MAGI1: variants seen among roughly 807,000 people sequenced by gnomAD.
MAGI1 encodes the protein membrane-associated guanylate kinase, WW and PDZ domain-containing protein 1.
Under a neutral mutation model 139.9 loss-of-function variants are expected in MAGI1, and 58 were observed. The observed-to-expected ratio is 0.41, with a 90% CI of 0.34 to 0.52. The LOEUF is 0.52. Ranked by LOEUF, MAGI1 falls within the 20% of genes least tolerant of loss-of-function variation. The pLI, the probability that MAGI1 is intolerant of heterozygous loss-of-function variation, is 0.12. For synonymous variants in MAGI1, 812 were observed against 737.9 expected, an observed-to-expected ratio of 1.10 and a Z score of -1.63; for missense variants, 1,874 against 1,901.6, an observed-to-expected ratio of 0.99 and a Z score of 0.27.
intron 2 of MAGI1, among the ~76,000 whole-genome samples, chr3:65,501,453 C>CAAAAAA (rs35967662): frequency 0.17 from 13,589 of 80,296 alleles, 1,417 homozygotes; most frequent in Non-Finnish European, 0.19. Flanking sequence ...GACTCTGTCT[C>CAAAAAA]AAAAAAAAAA....
intron 4 of MAGI1, 86 bp from the exon 5 acceptor site, chr3:65,470,570 T>C (rs1156851051): frequency 2.0e-5 from 16 of 791,692 alleles, no homozygotes; most frequent in South Asian, 1.8e-4. Flanking sequence ...ACCCGGGAAG[T>C]ATGCAACTAT....
At chr3:65,632,250 T>G (rs1213282851) in intron 1 of MAGI1, among the ~76,000 whole-genome samples, 1 of 152,210 alleles carries the variant, frequency 6.6e-6, no homozygotes, top group African/African-American at 2.4e-5. Context: ...ATCACTCAAC[T>G]GACAATTACA....
intron 18 of MAGI1, among the ~76,000 whole-genome samples, chr3:65,372,338 T>C (rs558322891): frequency 6.6e-6 from 1 of 152,292 alleles, no homozygotes; most frequent in African/African-American, 2.4e-5. Flanking sequence ...GAAATTTTTT[T>C]CCCCTAAGCA....
chr3:65,639,694 T>C (rs2084871526), intron 1 of MAGI1, among the ~76,000 whole-genome samples: 1 of 152,134 alleles, frequency 6.6e-6, no homozygotes, highest in South Asian at 2.1e-4. Flanking sequence ...ATTACTGTCC[T>C]TCCTCCAAAT....
intron 1 of MAGI1, among the ~76,000 whole-genome samples, chr3:65,803,402 T>C (rs1183372229): frequency 6.6e-6 from 1 of 152,136 alleles, no homozygotes; most frequent in East Asian, 1.9e-4. Flanking sequence ...TTACTGACTA[T>C]AAATAAAAGA....
intron 1 of MAGI1, among the ~76,000 whole-genome samples, chr3:65,952,511 A>C (rs1410124949): frequency 6.6e-6 from 1 of 152,148 alleles, no homozygotes; most frequent in Non-Finnish European, 1.5e-5. Context: ...TAGAATATTT[A>C]CCAACCAGAA....
At position 66,037,415 on chromosome 3, in the gene MAGI1, G is replaced by A. The variant is rs537242615; in HGVS notation, c.313+581C>T. Among the ~76,000 whole-genome samples the A allele has an allele frequency of 5.3e-5, 8 of 152,192 alleles. No homozygotes were observed. The East Asian group carries it at 1.4e-3, about 26-fold the overall frequency. On this transcript the variant is annotated intron_variant, in intron 1 of 22. Coordinates refer to ENST00000402939, the MANE Select transcript of MAGI1 (RefSeq NM_001033057.2). ...TCCCAAGTGTATGGCTGAGCCACAC[G>A]GTGGAGACACATGCGTCATCCGGCT...
At chr3:65,443,694 A>G (rs1314045483) in intron 7 of MAGI1, among the ~76,000 whole-genome samples, 2 of 152,006 alleles carry the variant, frequency 1.3e-5, no homozygotes, top group South Asian at 2.1e-4. Context: ...TTTTTTTGTC[A>G]TTAAACAATC....
At chr3:65,993,828 T>C (rs1240735148) in intron 1 of MAGI1, among the ~76,000 whole-genome samples, 2 of 152,128 alleles carry the variant, frequency 1.3e-5, no homozygotes, top group Non-Finnish European at 2.9e-5. Flanking sequence ...ACCCTGGAAA[T>C]GGAACAAAAT....
chr3:65,401,512 T>C (rs1944893253), intron 12 of MAGI1, 42 bp from the exon 13 acceptor site: 1 of 1,604,416 alleles, frequency 6.2e-7, no homozygotes, highest in Non-Finnish European at 8.5e-7. Flanking sequence ...GAAGAAATCA[T>C]TAGCATATAA....
intron 1 of MAGI1, among the ~76,000 whole-genome samples, chr3:65,811,959 TGA>T (rs1190401731): frequency 9.8e-4 from 141 of 143,546 alleles, no homozygotes; most frequent in Non-Finnish European, 1.2e-3. Context: ...TGTGTGTGTG[TGA>T]GAGAGAGAGC....
chr3:65,506,582 T>C (rs1249056875), intron 2 of MAGI1, among the ~76,000 whole-genome samples: 4 of 152,206 alleles, frequency 2.6e-5, no homozygotes, highest in South Asian at 2.1e-4. Context: ...TTTTGGATTA[T>C]CTTTCAATAA....
chr3:65,780,876 G>C (rs927527242), intron 1 of MAGI1, among the ~76,000 whole-genome samples: 6 of 152,152 alleles, frequency 3.9e-5, no homozygotes, highest in Non-Finnish European at 7.3e-5. Context: ...CCATGACTAC[G>C]GGTGATTTTT....
chr3:65,508,331 G>T (rs1398259996), intron 2 of MAGI1, among the ~76,000 whole-genome samples: 1 of 152,184 alleles, frequency 6.6e-6, no homozygotes, highest in South Asian at 2.1e-4. Flanking sequence ...GTGAACCTGG[G>T]AGGCGGAGCT....
chr3:65,382,902 G>A (rs149817235), intron 15 of MAGI1, among the ~76,000 whole-genome samples: 9 of 152,240 alleles, frequency 5.9e-5, no homozygotes, highest in East Asian at 3.9e-4. Flanking sequence ...CATAGTAAGC[G>A]CTCGATGAAT....
At chr3:65,994,329 A>C (rs2066332071) in intron 1 of MAGI1, among the ~76,000 whole-genome samples, 1 of 151,320 alleles carries the variant, frequency 6.6e-6, no homozygotes, top group Non-Finnish European at 1.5e-5. Context: ...GAGTGGTTCC[A>C]AGATGCAATG....
intron 2 of MAGI1, among the ~76,000 whole-genome samples, chr3:65,512,774 G>C (rs1407190286): frequency 1.4e-5 from 2 of 147,928 alleles, no homozygotes; most frequent in Non-Finnish European, 3.0e-5. Context: ...CCAATCAATA[G>C]AAAAAGAGGG....
At chr3:65,529,198 C>A (rs1353640553) in intron 2 of MAGI1, among the ~76,000 whole-genome samples, 2 of 151,462 alleles carry the variant, frequency 1.3e-5, no homozygotes, top group Non-Finnish European at 2.9e-5. Flanking sequence ...AGATACTTTT[C>A]ACATTTTGGT....
intron 2 of MAGI1, among the ~76,000 whole-genome samples, chr3:65,614,488 G>T (rs1026017767): frequency 6.6e-6 from 1 of 152,038 alleles, no homozygotes; most frequent in Non-Finnish European, 1.5e-5. Context: ...GAGGATAAAA[G>T]GAAATAATGT....
Sources: gnomAD v4.1 joint callset for allele counts (sites outside exome capture counted in the v4.1 genomes callset) on GRCh38, gnomAD v4.1.1 for gene constraint, MANE v1.5 for transcripts, NCBI Gene and HGNC (gene_info 2026-07-23, HGNC 2026-07-21) for gene names.